Variants in MFSD11 observed in about 807,000 individuals in gnomAD.
MFSD11 encodes the protein major facilitator superfamily domain containing 11.
In MFSD11, 36 loss-of-function variants were observed where a neutral mutation model predicts 53.5. The observed-to-expected ratio is 0.67, with a 90% CI of 0.52 to 0.89. MFSD11 has a LOEUF of 0.89. Among genes scored for constraint, MFSD11 ranks in the 40% least tolerant of loss-of-function variants. MFSD11 has a pLI of 0.00. For synonymous variants in MFSD11, 186 were observed against 184.9 expected, an observed-to-expected ratio of 1.01 and a Z score of -0.05; for missense variants, 530 against 543.9, an observed-to-expected ratio of 0.97 and a Z score of 0.25.
chr17:76,755,847 G>C, intron 8 of MFSD11, among the ~76,000 whole-genome samples: 1 of 61,448 alleles, frequency 1.6e-5, no homozygotes, highest in South Asian at 6.0e-4. Context: ...TTTTGAGATG[G>C]AGTTTTGCTC....
chr17:76,757,878 G>A (rs535721543), intron 8 of MFSD11, among the ~76,000 whole-genome samples: 1 of 152,266 alleles, frequency 6.6e-6, no homozygotes, highest in East Asian at 1.9e-4. Context: ...AGGCATGGTG[G>A]TGGGTGCCTG....
At chr17:76,803,386 CAA>C in the MFSD11 span, among the ~76,000 whole-genome samples, 5 of 152,180 alleles carry the variant, frequency 3.3e-5, no homozygotes, top group East Asian at 3.8e-4. Context: ...TTTACCAAAA[CAA>C]AGTTCCTTCT....
At chr17:76,738,517 G>T in intron 1 of MFSD11, 69 bp downstream of exon 1, 1 of 1,069,990 alleles carries the variant, frequency 9.3e-7, no homozygotes, top group Non-Finnish European at 1.4e-6. Context: ...GAAAATAAAC[G>T]TTCATTATAT....
At position 76,738,381 on chromosome 17, in the gene MFSD11, A is replaced by T. The variant is rs2077706275; in HGVS notation, c.29A>T (p.Asn10Ile). The T allele has an allele frequency of 1.2e-6, 2 of 1,614,116 alleles. No homozygotes were observed. Among genetic ancestry groups the T allele is most frequent in the Non-Finnish European group, 1.7e-6 (2 of 1,179,982 alleles). The change falls in exon 1 of 13, where the codon AAC becomes ATC. Residue 10 changes from asparagine to isoleucine, a missense_variant. Coordinates refer to ENST00000685175, the MANE Select transcript of MFSD11 (RefSeq NM_001242532.5). MSPESKKLF[N>I]IIILGVAFMF... ...TCCCCGGAATCTAAAAAGCTTTTCAACATCATTATTTTAGGAGTTGCCTTT... is the reference window on the plus strand; with the variant it reads ...TCCCCGGAATCTAAAAAGCTTTTCATCATCATTATTTTAGGAGTTGCCTTT...
chr17:76,802,982 C>A, the MFSD11 span, among the ~76,000 whole-genome samples: 1 of 151,922 alleles, frequency 6.6e-6, no homozygotes, highest in Non-Finnish European at 1.5e-5. Context: ...ACGGTGAAAC[C>A]CCATCTCTAC....
chr17:76,764,786 G>T (rs939189774), intron 8 of MFSD11, among the ~76,000 whole-genome samples: 1 of 152,070 alleles, frequency 6.6e-6, no homozygotes, highest in African/African-American at 2.4e-5. Flanking sequence ...TTGGATATAT[G>T]CCCAGAGGTA....
the MFSD11 span, among the ~76,000 whole-genome samples, chr17:76,795,106 C>T: frequency 6.6e-6 from 1 of 152,022 alleles, no homozygotes; most frequent in East Asian, 1.9e-4. Context: ...TGAACATGTG[C>T]AGACTTTTTT....
intron 8 of MFSD11, among the ~76,000 whole-genome samples, chr17:76,766,007 G>A (rs772451987): frequency 7.8e-4 from 118 of 150,994 alleles, no homozygotes; most frequent in Non-Finnish European, 1.2e-3. Context: ...CACTCTTGGT[G>A]TGGTACCTTT....
chr17:76,739,594 A>G (rs8081711), intron 2 of MFSD11, among the ~76,000 whole-genome samples: 8,450 of 152,254 alleles, frequency 0.055, 725 homozygotes, highest in African/African-American at 0.19. Context: ...TAATTGACAA[A>G]TGAAAATTGC....
intron 8 of MFSD11, among the ~76,000 whole-genome samples, chr17:76,761,920 C>CAA (rs35384637): frequency 2.6e-4 from 29 of 111,262 alleles, no homozygotes; most frequent in African/African-American, 6.3e-4. Context: ...GACTCCGTCT[C>CAA]AAAAAAAAAA....
downstream of MFSD11, among the ~76,000 whole-genome samples, chr17:76,785,150 G>A (rs2082257770): frequency 6.6e-6 from 1 of 152,148 alleles, no homozygotes; most frequent in African/African-American, 2.4e-5. Context: ...GGAAATTTGG[G>A]CACATGCTAC....
chr17:76,777,374 C>T (rs980661840), intron 12 of MFSD11, among the ~76,000 whole-genome samples: 6 of 151,818 alleles, frequency 4.0e-5, no homozygotes, highest in African/African-American at 1.5e-4. Context: ...GGTGGGATTA[C>T]AGGAGTGCAC....
intron 9 of MFSD11, among the ~76,000 whole-genome samples, chr17:76,768,071 GGCGGGTGGATTGCTTGA>G (rs1288269977): frequency 6.6e-6 from 1 of 152,182 alleles, no homozygotes; most frequent in Non-Finnish European, 1.5e-5. Context: ...GGGAGGCTGA[GGCGGGTGGATTGCTTGA>G]GCCCAGGAGT....
In MFSD11 at chr17:76,778,422, C is replaced by A. The variant is rs571435424; in HGVS notation, c.*70C>A. On this transcript the variant is annotated 3_prime_UTR_variant, in exon 13 of 13. Transcript: ENST00000685175. ...GGACACAGAGCTTGGTGGAAGAAGT[C>A]GCCTTTGATCTTCACTATATATTGG... 38 of 1,480,528 alleles carry A rather than the reference C, an allele frequency of 2.6e-5. No individual in the cohort carries two copies. The East Asian group carries it at 8.2e-4, about 32-fold the overall frequency. 91.7% of individuals were successfully genotyped at this position (1,480,528 alleles called of 1,614,324 possible).
chr17:76,774,553 C>T (rs903841183), intron 10 of MFSD11, among the ~76,000 whole-genome samples: 6 of 152,254 alleles, frequency 3.9e-5, no homozygotes, highest in Non-Finnish European at 7.3e-5. Flanking sequence ...TGGCTGCTGA[C>T]TCTTCCTAGG....
intron 5 of MFSD11, among the ~76,000 whole-genome samples, chr17:76,742,664 G>C (rs998347919): frequency 6.6e-6 from 1 of 151,920 alleles, no homozygotes; most frequent in Non-Finnish European, 1.5e-5. Flanking sequence ...CACCACGCCC[G>C]GCTAATTTTT....
chr17:76,755,812 ATTTTTTTTTTTTT>A (rs552254902), intron 8 of MFSD11, among the ~76,000 whole-genome samples: 4 of 19,538 alleles, frequency 2.0e-4, no homozygotes, highest in Admixed American at 9.9e-4. Context: ...ATATATATAT[ATTTTTTTTTTTTT>A]TTTTTTTTTT....
chr17:76,769,852 C>T lies in MFSD11; in HGVS notation c.855C>T (p.Ile285=), dbSNP rs767893586. 9.9e-6 allele frequency: 16 copies of T among 1,609,448 alleles called. No homozygotes were observed. The highest frequency in any genetic ancestry group is 1.7e-4 in the Middle Eastern group (1 of 6,052). Residue 285 remains isoleucine (I), a synonymous_variant, in exon 10 of 13, where the codon ATC becomes ATT. Transcript: ENST00000685175. ...TTATTGGACTTTCTGGCATTTTCAT[C>T]GGCATTGGAGAAATTTTAGGTTGGT... The part of the protein sequence containing the change: ...KSLIGLSGIF[I]GIGEILGGSL...
At position 76,744,583 on chromosome 17, in the gene MFSD11, A is replaced by C. The variant is rs550145667; in HGVS notation, c.641+117A>C. The stretch of plus-strand genomic sequence containing the variant: ...TCCAGTACTCTCTGTAGGTTACCAC[A>C]GGCAAGAAAAGGAAGAAAATAAAGG... On this transcript the variant is annotated intron_variant, in intron 7 of 12. Coordinates refer to ENST00000685175, the MANE Select transcript of MFSD11 (RefSeq NM_001242532.5). The C allele has an allele frequency of 1.2e-4, 103 of 849,040 alleles. 1 individual carries two copies. In the South Asian group the frequency reaches 1.7e-3, roughly 14 times the overall value. 52.6% of individuals were successfully genotyped at this position (849,040 alleles called of 1,614,324 possible).
Sources: allele counts gnomAD v4.1 joint callset (sites outside exome capture counted in the v4.1 genomes callset), GRCh38; gene constraint gnomAD v4.1.1; transcripts MANE v1.5; gene names NCBI Gene and HGNC (gene_info 2026-07-23, HGNC 2026-07-21).